Variants in WNT11 observed in about 807,000 individuals in gnomAD.
The protein encoded by WNT11 is protein Wnt-11.
A neutral mutation model predicts 35.6 loss-of-function variants in WNT11; 20 were observed. The observed-to-expected ratio is 0.56, with a 90% CI of 0.40 to 0.82. The LOEUF (loss-of-function observed/expected upper bound fraction) is 0.82. WNT11 is among the 40% of genes least tolerant of loss of function. WNT11 has a pLI of 0.00. For missense variants in WNT11, 459 were observed against 504.4 expected (o/e 0.91, Z 0.86); for synonymous variants, 200 against 211.9 (o/e 0.94, Z 0.49).
upstream of WNT11, among the ~76,000 whole-genome samples, chr11:76,208,576 G>A (rs1340676034): frequency 6.6e-6 from 1 of 152,000 alleles, no homozygotes; most frequent in Non-Finnish European, 1.5e-5. Flanking sequence ...AAAGTGCGCC[G>A]CCCCCCGAAG....
Position 76,206,459 on chromosome 11 carries a change from G to A in WNT11, c.-52C>T, listed in dbSNP as rs1047558268. On this transcript the variant is annotated 5_prime_UTR_variant, in exon 1 of 5. Coordinates refer to ENST00000322563, the MANE Select transcript of WNT11 (RefSeq NM_004626.3). ...CACACCCAGGAGGAGCCGCGCCGAAGTCCTCCGCCTGCACGGCCGCCGCTG... is the reference window on the plus strand; with the variant it reads ...CACACCCAGGAGGAGCCGCGCCGAAATCCTCCGCCTGCACGGCCGCCGCTG... The A allele has an allele frequency of 8.1e-6, 11 of 1,352,804 alleles. No homozygotes were observed. Among genetic ancestry groups the A allele is most frequent in the Non-Finnish European group, 9.5e-6 (10 of 1,053,702 alleles). The allele number at this position is 1,352,804 out of a possible 1,614,324, so 83.8% of individuals were successfully genotyped here. A position where few individuals can be genotyped will look rare whatever the true frequency, so the allele number is the denominator to read the frequency against.
rs116771072 is a variant in WNT11 at position 76,187,670 on chromosome 11, G to A, written c.891-431C>T. 9.4e-3 allele frequency among the ~76,000 whole-genome samples: 1,433 copies of A among 151,822 alleles called. 16 individuals carry two copies. The highest frequency in any genetic ancestry group is 0.032 in the African/African-American group (1,313 of 41,354). On this transcript the variant is annotated intron_variant, in intron 4 of 4. Transcript: ENST00000322563. ...CCGGCTAATTTTTTATTTTTGTAGCGATGGAATCCCACTATATTGCTCAGG... is the reference window on the plus strand; with the variant it reads ...CCGGCTAATTTTTTATTTTTGTAGCAATGGAATCCCACTATATTGCTCAGG...
At chr11:76,210,459 G>C, upstream of WNT11, 2 of 985,300 alleles carry the variant, frequency 2.0e-6, no homozygotes, top group Non-Finnish European at 2.4e-6. Flanking sequence ...CGCTGCCCGC[G>C]ACCACTGCTC....
At chr11:76,189,778 C>T (rs1030409019) in intron 4 of WNT11, among the ~76,000 whole-genome samples, 1 of 152,188 alleles carries the variant, frequency 6.6e-6, no homozygotes, top group African/African-American at 2.4e-5. Flanking sequence ...CAGAGCCAGG[C>T]AGAGACACAG....
intron 1 of WNT11, among the ~76,000 whole-genome samples, chr11:76,197,083 C>A (rs1320895418): frequency 6.6e-6 from 1 of 152,244 alleles, no homozygotes; most frequent in African/African-American, 2.4e-5. Context: ...AATTATTAGT[C>A]TTTATTCAAC....
intron 1 of WNT11, among the ~76,000 whole-genome samples, chr11:76,199,224 G>A (rs1953336733): frequency 6.6e-6 from 1 of 152,134 alleles, no homozygotes; most frequent in South Asian, 2.1e-4. Flanking sequence ...TGTTGCTCAT[G>A]TCTATGATCT....
upstream of WNT11, chr11:76,210,665 GT>G (rs1252535434): frequency 1.1e-5 from 11 of 985,244 alleles, no homozygotes; most frequent in Admixed American, 6.8e-4. Flanking sequence ...CCCGCGCGGA[GT>G]CAGGCGCGGA....
intron 1 of WNT11, 55 bp downstream of exon 1, chr11:76,206,270 C>A: frequency 7.3e-7 from 1 of 1,366,986 alleles, no homozygotes; most frequent in Non-Finnish European, 9.5e-7. Context: ...CCCCAAAACG[C>A]CCTCCGCCGC....
In WNT11 at chr11:76,206,322, C is replaced by A; in HGVS notation, c.83+3G>T. 1 of 1,558,324 alleles carries A rather than the reference C, an allele frequency of 6.4e-7. No individual in the cohort carries two copies. Among genetic ancestry groups the A allele is most frequent in the Admixed American group, 1.9e-5 (1 of 53,300 alleles). On this transcript the variant is annotated splice_donor_region_variant and intron_variant, in intron 1 of 4. Coordinates refer to ENST00000322563, the MANE Select transcript of WNT11 (RefSeq NM_004626.3). ...TGCGCGTGGACGCGGGGTCCCTACTCACAGCCACTTGATGCCATAGCACAC... is the reference window on the plus strand; with the variant it reads ...TGCGCGTGGACGCGGGGTCCCTACTAACAGCCACTTGATGCCATAGCACAC...
In WNT11 at chr11:76,196,454, A is replaced by G. The variant is rs1953287739; in HGVS notation, c.319+29T>C. ...CCTGAATTCCTTCACCCGCACCCAC[A>G]TGCATTCAGCAGCCTCGCCAGCTCC... On this transcript the variant is annotated intron_variant, in intron 2 of 4. Coordinates refer to ENST00000322563, the MANE Select transcript of WNT11 (RefSeq NM_004626.3). 2.5e-6 allele frequency: 4 copies of G among 1,610,222 alleles called. No individual in the cohort carries two copies. In the East Asian group the frequency reaches 8.9e-5, roughly 36 times the overall value.
At chr11:76,206,621 C>A (rs1018509504), upstream of WNT11, 21 of 1,061,196 alleles carry the variant, frequency 2.0e-5, no homozygotes, top group African/African-American at 2.0e-4. Context: ...CGTCCCCTCC[C>A]GCTCCGCCCG....
At chr11:76,191,471 A>G (rs1953182363) in intron 4 of WNT11, 93 bp downstream of exon 4, 2 of 1,417,692 alleles carry the variant, frequency 1.4e-6, no homozygotes, top group South Asian at 2.6e-5. Flanking sequence ...CCCACATGCC[A>G]CCTGAGTCCC....
chr11:76,194,687 G>C lies in WNT11; in HGVS notation c.477C>G (p.Asp159Glu). The change falls in exon 3 of 5, where the codon GAC (aspartate) becomes GAG (glutamate). Residue 159 changes from aspartate to glutamate, a missense_variant. Asp to Glu is a conservative substitution (Grantham distance 45, BLOSUM62 2). Transcript: ENST00000322563. The surrounding 1 kb of genome is among the most constrained non-coding windows in gnomAD (Gnocchi z 5.4). ...GPGNRWGGCA[D>E]NLSYGLLMGA... ...CCATGAGGAGCCCGTAGCTGAGGTT[G>C]TCCGCACATCCTCCCCAGCGGTTCC... The C allele has an allele frequency of 6.4e-7, 1 of 1,550,634 alleles. No individual in the cohort carries two copies. Among genetic ancestry groups the C allele is most frequent in the Non-Finnish European group, 8.7e-7 (1 of 1,146,960 alleles).
intron 1 of WNT11, among the ~76,000 whole-genome samples, chr11:76,200,528 C>G (rs1204568286): frequency 6.6e-6 from 1 of 152,212 alleles, no homozygotes; most frequent in East Asian, 1.9e-4. Flanking sequence ...TGGCCCTTCC[C>G]GGTTGACAGA....
chr11:76,200,833 A>G (rs1953362867), intron 1 of WNT11, among the ~76,000 whole-genome samples: 2 of 152,262 alleles, frequency 1.3e-5, no homozygotes, highest in African/African-American at 4.8e-5. Flanking sequence ...GGGCGACAGC[A>G]CATCAGCGCA....
At chr11:76,187,296 C>A in intron 4 of WNT11, 57 bp from the exon 5 acceptor site, 2 of 1,528,826 alleles carry the variant, frequency 1.3e-6, no homozygotes, top group Non-Finnish European at 1.8e-6. Context: ...CCCACCAACA[C>A]CCCATGACTC....
At chr11:76,200,917 G>T (rs1358153722) in intron 1 of WNT11, among the ~76,000 whole-genome samples, 3 of 152,242 alleles carry the variant, frequency 2.0e-5, no homozygotes, top group African/African-American at 4.8e-5. Flanking sequence ...CTTTCCCTGG[G>T]CTCCGGCTCA....
At chr11:76,191,946 GCTCTCA>G in intron 3 of WNT11, 90 bp from the exon 4 acceptor site, 2 of 1,446,224 alleles carry the variant, frequency 1.4e-6, no homozygotes, top group Non-Finnish European at 1.8e-6. Flanking sequence ...ATGGCTGGGT[GCTCTCA>G]GGGAGTCACT....
At chr11:76,197,429 C>T (rs765952912) in intron 1 of WNT11, among the ~76,000 whole-genome samples, 9 of 152,200 alleles carry the variant, frequency 5.9e-5, no homozygotes, top group Non-Finnish European at 1.3e-4. Flanking sequence ...AGTGTTTGTA[C>T]TTATAAACCG....
Sources: allele counts gnomAD v4.1 joint callset (sites outside exome capture counted in the v4.1 genomes callset), GRCh38; gene constraint gnomAD v4.1.1; non-coding constraint Gnocchi (gnomAD v3.1); transcripts MANE v1.5; gene names NCBI Gene and HGNC (gene_info 2026-07-23, HGNC 2026-07-21).